Variants in ERMP1 observed in about 807,000 individuals in gnomAD.
The protein encoded by ERMP1 is Felix-ina.
In ERMP1, 86 loss-of-function variants were observed where a neutral mutation model predicts 92.0. That is an observed-to-expected ratio of 0.93 (90% CI 0.79 to 1.12). The LOEUF (loss-of-function observed/expected upper bound fraction) is 1.12. Among genes scored for constraint, ERMP1 ranks in the 50% most tolerant of loss-of-function variants. ERMP1 has a pLI of 0.00. For synonymous variants in ERMP1, 530 were observed against 412.8 expected (o/e 1.28, Z -3.44); for missense variants, 1,342 against 1,116.3 (o/e 1.20, Z -2.88).
chr9:5,824,991 G>A (rs1829681061), intron 3 of ERMP1, 101 bp downstream of exon 3: 1 of 1,143,864 alleles, frequency 8.7e-7, no homozygotes, highest in Admixed American at 2.0e-5. Context: ...CTACCCACAG[G>A]AGTCATAAAA....
chr9:5,801,804 C>T (rs1828683831), intron 10 of ERMP1, among the ~76,000 whole-genome samples: 1 of 152,144 alleles, frequency 6.6e-6, no homozygotes, highest in Non-Finnish European at 1.5e-5. Context: ...CAAGACTCTG[C>T]CAGTGGACCT....
intron 10 of ERMP1, among the ~76,000 whole-genome samples, chr9:5,803,254 A>G (rs1269609175): frequency 6.6e-6 from 1 of 152,240 alleles, no homozygotes; most frequent in African/African-American, 2.4e-5. Flanking sequence ...AATAATTAAA[A>G]GAGTGATAAC....
intron 10 of ERMP1, among the ~76,000 whole-genome samples, chr9:5,801,642 G>C (rs1190146643): frequency 6.6e-6 from 1 of 152,216 alleles, no homozygotes; most frequent in Non-Finnish European, 1.5e-5. Context: ...GAAAAGAACA[G>C]AAATGTAGAT....
chr9:5,852,987 A>G (rs926018946), intron 6 of ERMP1, among the ~76,000 whole-genome samples: 1 of 152,210 alleles, frequency 6.6e-6, no homozygotes. Context: ...TGAGAATTAA[A>G]CTGGCAAAAG....
chr9:5,787,062 T>A lies in ERMP1; in HGVS notation c.*82A>T, dbSNP rs1008770766. The A allele has an allele frequency of 3.7e-6, 5 of 1,354,500 alleles. No individual in the cohort carries two copies. The African/African-American group carries it at 5.8e-5, about 16-fold the overall frequency. 83.9% of individuals were successfully genotyped at this position (1,354,500 alleles called of 1,614,324 possible). On this transcript the variant is annotated 3_prime_UTR_variant, in exon 15 of 15. Transcript: ENST00000339450. ...GATCATTAAAATTCATTGACTTACGTTACAAACATCCACGTAACATAGGGA... is the reference window on the plus strand; with the variant it reads ...GATCATTAAAATTCATTGACTTACGATACAAACATCCACGTAACATAGGGA...
In ERMP1 at chr9:5,810,005, A is replaced by G. The variant is rs1829028595; in HGVS notation, c.1548+6T>C. The stretch of plus-strand genomic sequence containing the variant: ...AAAGAAATCAACAAATATACCAAAC[A>G]CTTACCATGTAATAAAATCTTTTCG... On this transcript the variant is annotated splice_donor_region_variant and intron_variant, in intron 8 of 14. Transcript: ENST00000339450. 1 of 1,563,012 alleles carries G rather than the reference A, an allele frequency of 6.4e-7. No individual in the cohort carries two copies. The highest frequency in any genetic ancestry group is 1.7e-5 in the Admixed American group (1 of 59,932).
intron 8 of ERMP1, among the ~76,000 whole-genome samples, chr9:5,808,200 ACT>A (rs1828942473): frequency 6.6e-6 from 1 of 152,092 alleles, no homozygotes; most frequent in Non-Finnish European, 1.5e-5. Flanking sequence ...GAAACACATC[ACT>A]CTTTCTATTG....
rs76121652 is a variant in ERMP1 at position 5,856,137 on chromosome 9, A to G, written n.3199+3331T>C. The G allele has an allele frequency of 8.1e-3, 2,683 of 331,110 alleles. 78 individuals are homozygous for G. Among genetic ancestry groups the G allele is most frequent in the African/African-American group, 0.056 (2,505 of 44,374 alleles). The allele number at this position is 331,110 out of a possible 1,614,324, so 20.5% of individuals were successfully genotyped here. ...AAACAGATCACTAAATCCACTTCAT[A>G]TATTTTGTCTTCAAATCAGGGCATT... On this transcript the variant is annotated intron_variant and non_coding_transcript_variant, in intron 6 of 6. Coordinates refer to the ERMP1 transcript ENST00000690753.
chr9:5,809,146 C>T (rs552225364), intron 8 of ERMP1, among the ~76,000 whole-genome samples: 329 of 152,220 alleles, frequency 2.2e-3, no homozygotes, highest in African/African-American at 7.2e-3. Context: ...CTCAGCCTCC[C>T]GAGCAGCTGG....
intron 5 of ERMP1, among the ~76,000 whole-genome samples, chr9:5,865,589 T>G (rs1244349581): frequency 6.6e-6 from 1 of 151,382 alleles, no homozygotes; most frequent in African/African-American, 2.4e-5. Context: ...TCCCAACACT[T>G]TCGCAGGCCG....
intron 6 of ERMP1, among the ~76,000 whole-genome samples, chr9:5,850,081 G>T (rs1830288788): frequency 6.6e-6 from 1 of 152,166 alleles, no homozygotes; most frequent in Admixed American, 6.6e-5. Flanking sequence ...CACACAGCCT[G>T]CTGTTATCAG....
At chr9:5,854,072 T>C (rs1830342631) in intron 6 of ERMP1, among the ~76,000 whole-genome samples, 1 of 151,824 alleles carries the variant, frequency 6.6e-6, no homozygotes, top group South Asian at 2.1e-4. Context: ...GGGGGATAAA[T>C]TGTGGCCAGG....
intron 5 of ERMP1, among the ~76,000 whole-genome samples, chr9:5,865,639 C>G (rs1457755895): frequency 6.6e-6 from 1 of 151,386 alleles, no homozygotes; most frequent in African/African-American, 2.4e-5. Flanking sequence ...TTGAGACCAG[C>G]CTGGCCAACA....
intron 4 of ERMP1, among the ~76,000 whole-genome samples, chr9:5,817,575 C>A (rs937318817): frequency 6.6e-6 from 1 of 152,242 alleles, no homozygotes; most frequent in Admixed American, 6.5e-5. Context: ...CAGGCAGATA[C>A]AGAAACATTT....
intron 4 of ERMP1, among the ~76,000 whole-genome samples, chr9:5,818,108 CA>C (rs1220820799): frequency 6.7e-6 from 1 of 149,860 alleles, no homozygotes; most frequent in Non-Finnish European, 1.5e-5. Context: ...AACTGTGAGC[CA>C]TGATTGCATC....
intron 4 of ERMP1, 148 bp from the exon 5 acceptor site, chr9:5,813,183 C>G (rs968258735): frequency 2.7e-6 from 2 of 733,906 alleles, no homozygotes; most frequent in African/African-American, 1.8e-5. Context: ...TCTGTAGTTT[C>G]CAATGTTTCT....
chr9:5,833,205 G>C (rs536730787), upstream of ERMP1: 8 of 578,516 alleles, frequency 1.4e-5, no homozygotes, highest in Non-Finnish European at 2.3e-5. Context: ...GGCAGTTCTC[G>C]GGTGCACACA....
rs1359608331 is a variant in ERMP1, at chr9:5,861,168, GGGGTGT to G, written n.3056-1563_3056-1558del. On this transcript the variant is annotated intron_variant and non_coding_transcript_variant, in intron 5 of 6. Transcript: ENST00000690753. ...AGGCAGTGAACCCACAATGGCTTAG[GGGGTGT>G]GTGTGTGTGTGTGTGTGTGTGTGTG... is the stretch of plus-strand genomic sequence containing the variant. Among the ~76,000 whole-genome samples, 415 of 117,540 alleles carry G rather than the reference GGGGTGT, an allele frequency of 3.5e-3. 14 individuals carry two copies. Among genetic ancestry groups the G allele is most frequent in the African/African-American group, 0.012 (328 of 28,292 alleles). 77.1% of individuals were successfully genotyped at this position (117,540 alleles called of 152,430 possible).
intron 6 of ERMP1, among the ~76,000 whole-genome samples, chr9:5,850,567 A>C (rs1486198673): frequency 2.0e-5 from 3 of 152,100 alleles, no homozygotes; most frequent in African/African-American, 7.2e-5. Flanking sequence ...GAAGTTCGTA[A>C]ACCTCTGAAA....
Sources: gnomAD v4.1 joint callset for allele counts (sites outside exome capture counted in the v4.1 genomes callset) on GRCh38, gnomAD v4.1.1 for gene constraint, MANE v1.5 for transcripts, NCBI Gene and HGNC (gene_info 2026-07-23, HGNC 2026-07-21) for gene names.